STXBP5: variants seen among roughly 807,000 people sequenced by gnomAD.
STXBP5 encodes syntaxin-binding protein 5.
STXBP5 carries 50 observed loss-of-function variants against 152.4 expected under a neutral mutation model. That is an observed-to-expected ratio of 0.33 (90% CI 0.26 to 0.42). The LOEUF is 0.42. STXBP5 is among the 10% of genes least tolerant of loss of function. The probability of loss-of-function intolerance (pLI) is 1.00; values close to 1 mark genes in which losing one functional copy is unlikely to be tolerated. For missense variants in STXBP5, 1,167 were observed against 1,388.6 expected, an observed-to-expected ratio of 0.84 and a Z score of 2.54; for synonymous variants, 492 against 494.7, an observed-to-expected ratio of 0.99 and a Z score of 0.07.
chr6:147,254,386 A>C (rs1779252973), intron 4 of STXBP5, among the ~76,000 whole-genome samples: 1 of 152,266 alleles, frequency 6.6e-6, no homozygotes, highest in Non-Finnish European at 1.5e-5. Flanking sequence ...GGAATGGGCA[A>C]AGACTTCGTG....
chr6:147,339,779 A>G (rs1168318455), intron 21 of STXBP5, among the ~76,000 whole-genome samples: 3 of 152,008 alleles, frequency 2.0e-5, no homozygotes, highest in Non-Finnish European at 4.4e-5. Context: ...CCGTATTTCA[A>G]GGAAATGGTT....
At chr6:147,362,707 C>G (rs1368081200) in intron 23 of STXBP5, among the ~76,000 whole-genome samples, 1 of 152,042 alleles carries the variant, frequency 6.6e-6, no homozygotes, top group Non-Finnish European at 1.5e-5. Flanking sequence ...CTAGCAGTCA[C>G]ATTAAAAAAG....
At chr6:147,373,868 A>G in intron 26 of STXBP5, 26 bp downstream of exon 26, 1 of 1,556,246 alleles carries the variant, frequency 6.4e-7, no homozygotes, top group Non-Finnish European at 8.8e-7. Flanking sequence ...TAATTCGGAT[A>G]ATATATCTAT....
Position 147,313,889 on chromosome 6 carries a change from C to G in STXBP5, c.1151C>G (p.Pro384Arg). ...VLIDLAQNGYPIFENPYPLSI... is the reference protein window; with the variant it reads ...VLIDLAQNGYRIFENPYPLSI... ...TTCTTTTTCTGTTGTTAAAGATATC[C>G]TATATTTGAAAATCCCTACCCTTTG... The change falls in exon 12 of 28, where the codon CCT becomes CGT. Residue 384 changes from proline (P) to arginine (R), a missense_variant. Pro to Arg is a moderately radical substitution (Grantham distance 103, BLOSUM62 -2). Around this residue, in one of 3 missense-constraint regions of STXBP5, gnomAD observed 833 missense variants for 986.3 expected, o/e 0.84. Coordinates refer to ENST00000321680, the MANE Select transcript of STXBP5 (RefSeq NM_001127715.4). 6.6e-7 allele frequency: 1 copy of G among 1,523,270 alleles called. No homozygotes were observed. The highest frequency in any genetic ancestry group is 1.3e-5 in the South Asian group (1 of 76,394). 94.4% of individuals were successfully genotyped at this position (1,523,270 alleles called of 1,614,324 possible). A position where few individuals can be genotyped will look rare whatever the true frequency, so the allele number is the denominator to read the frequency against.
intron 2 of STXBP5, among the ~76,000 whole-genome samples, chr6:147,213,477 T>TGTGTGTGTGCGCGCGCGCGC: frequency 1.7e-4 from 22 of 131,324 alleles, no homozygotes; most frequent in African/African-American, 5.1e-4. Flanking sequence ...TGTGTGTGTG[T>TGTGTGTGTGCGCGCGCGCGC]GCGCGCGCAT....
intron 8 of STXBP5, among the ~76,000 whole-genome samples, chr6:147,281,451 A>C (rs542437725): frequency 9.2e-5 from 14 of 152,376 alleles, no homozygotes; most frequent in African/African-American, 3.4e-4. Flanking sequence ...CATTTGTGGT[A>C]CATCATTTTC....
chr6:147,308,733 A>G (rs985480583), intron 9 of STXBP5, among the ~76,000 whole-genome samples: 2 of 152,208 alleles, frequency 1.3e-5, no homozygotes, highest in African/African-American at 2.4e-5. Flanking sequence ...AAGTTTACTT[A>G]TAAACTACAT....
intron 26 of STXBP5, among the ~76,000 whole-genome samples, chr6:147,378,720 T>C (rs77882724): frequency 0.024 from 3,578 of 152,200 alleles, 47 homozygotes; most frequent in Non-Finnish European, 0.039. Flanking sequence ...TTGTTAGAAA[T>C]AACAGGTTAC....
At chr6:147,250,257 A>C (rs1297142357) in intron 4 of STXBP5, among the ~76,000 whole-genome samples, 2 of 152,160 alleles carry the variant, frequency 1.3e-5, no homozygotes, top group Non-Finnish European at 2.9e-5. Flanking sequence ...TGCCACAACG[A>C]ATTTCAAGAC....
chr6:147,267,712 T>C (rs1779963558), intron 7 of STXBP5, among the ~76,000 whole-genome samples: 1 of 152,096 alleles, frequency 6.6e-6, no homozygotes, highest in Non-Finnish European at 1.5e-5. Flanking sequence ...GCCCTCAGAT[T>C]TCCTATAAAT....
At chr6:147,322,508 T>C (rs1042445596) in intron 16 of STXBP5, among the ~76,000 whole-genome samples, 17 of 152,214 alleles carry the variant, frequency 1.1e-4, no homozygotes, top group African/African-American at 3.9e-4. Flanking sequence ...CGAGGTGCCA[T>C]GGTCTTCCAC....
rs74869109 is a variant in STXBP5, at chr6:147,353,580, G to A, written c.2305+207G>A. 7.3e-3 allele frequency among the ~76,000 whole-genome samples: 1,106 copies of A among 152,130 alleles called. 14 individuals are homozygous for A. Among genetic ancestry groups the A allele is most frequent in the African/African-American group, 0.026 (1,059 of 41,520 alleles). The stretch of plus-strand genomic sequence containing the variant: ...ATTATAATACAAATTCAAGCAAACC[G>A]CAAGAATATATTTTCTTAGCCCTCT... On this transcript the variant is annotated intron_variant, in intron 22 of 27. Transcript: ENST00000321680.
intron 18 of STXBP5, among the ~76,000 whole-genome samples, chr6:147,328,522 C>T (rs1023085067): frequency 7.2e-5 from 11 of 151,912 alleles, no homozygotes; most frequent in Admixed American, 2.6e-4. Context: ...GGATATAGAC[C>T]TTTCTGTTAC....
At chr6:147,208,264 G>T (rs984778467) in intron 2 of STXBP5, among the ~76,000 whole-genome samples, 1 of 152,084 alleles carries the variant, frequency 6.6e-6, no homozygotes, top group Non-Finnish European at 1.5e-5. Context: ...TTGCTTGCCA[G>T]TAATACCACC....
intron 2 of STXBP5, among the ~76,000 whole-genome samples, chr6:147,213,615 A>G (rs2328812): frequency 0.021 from 3,133 of 152,124 alleles, 109 homozygotes; most frequent in African/African-American, 0.072. Flanking sequence ...CCCAGCTACA[A>G]GAAGAAAATT....
intron 3 of STXBP5, among the ~76,000 whole-genome samples, chr6:147,237,773 A>G (rs1271501717): frequency 6.6e-6 from 1 of 152,190 alleles, no homozygotes; most frequent in African/African-American, 2.4e-5. Context: ...CAGCTGTTTT[A>G]ATTCTTCTGA....
intron 17 of STXBP5, among the ~76,000 whole-genome samples, chr6:147,325,352 T>C (rs1783193561): frequency 6.6e-6 from 1 of 152,162 alleles, no homozygotes; most frequent in African/African-American, 2.4e-5. Flanking sequence ...AGTCAGTATA[T>C]CCTCTCCTAA....
chr6:147,296,293 C>G (rs937962802), intron 9 of STXBP5, among the ~76,000 whole-genome samples: 2 of 152,124 alleles, frequency 1.3e-5, no homozygotes. Context: ...ATCAGCCCAT[C>G]AAGCCTAAAC....
intron 23 of STXBP5, among the ~76,000 whole-genome samples, chr6:147,360,729 G>T (rs907943061): frequency 2.0e-5 from 3 of 152,150 alleles, no homozygotes; most frequent in African/African-American, 7.2e-5. Flanking sequence ...TTAAAAAATA[G>T]TACTAGACTT....
Sources: allele counts gnomAD v4.1 joint callset (sites outside exome capture counted in the v4.1 genomes callset), GRCh38; gene constraint gnomAD v4.1.1; regional missense constraint gnomAD v4.1.1; transcripts MANE v1.5; gene names NCBI Gene and HGNC (gene_info 2026-07-23, HGNC 2026-07-21).